The following STAU1 variants were observed in gnomAD, a reference collection of about 807,000 sequenced individuals.
STAU1 encodes the protein double-stranded RNA-binding protein Staufen homolog 1.
A neutral mutation model predicts 62.9 loss-of-function variants in STAU1; 13 were observed. The observed-to-expected ratio is 0.21, with a 90% CI of 0.13 to 0.33. STAU1 has a LOEUF of 0.33. Ranked by LOEUF, STAU1 falls within the 10% of genes least tolerant of loss-of-function variation. STAU1 has a pLI of 1.00. For missense variants in STAU1, 571 were observed against 712.1 expected (o/e 0.80, Z 2.25); for synonymous variants, 269 against 265.1 (o/e 1.01, Z -0.14).
chr20:49,123,293 A>G (rs770323410), intron 7 of STAU1, 58 bp from the exon 8 acceptor site: 127 of 1,612,490 alleles, frequency 7.9e-5, no homozygotes, highest in Non-Finnish European at 9.5e-5. Flanking sequence ...AACTTGGTCA[A>G]CTCAGAGATC....
chr20:49,120,259 T>G (rs1378073696), intron 8 of STAU1, 131 bp from the exon 9 acceptor site: 2 of 1,015,156 alleles, frequency 2.0e-6, no homozygotes, highest in African/African-American at 1.6e-5. Context: ...GAACCTGGCC[T>G]CCTTGTCTCT....
intron 5 of STAU1, among the ~76,000 whole-genome samples, chr20:49,141,978 C>T (rs1171478235): frequency 1.3e-5 from 2 of 152,076 alleles, no homozygotes; most frequent in Non-Finnish European, 1.5e-5. Flanking sequence ...AATTCCAGCA[C>T]TTTGGGAGGT....
intron 6 of STAU1, among the ~76,000 whole-genome samples, chr20:49,125,115 G>C (rs1455987016): frequency 7.8e-6 from 1 of 127,970 alleles, no homozygotes; most frequent in Admixed American, 8.6e-5. Flanking sequence ...ATATGGTATG[G>C]TAGCTTTAGT....
At chr20:49,114,940 GAATT>G in intron 13 of STAU1, 47 bp from the exon 14 acceptor site, 1 of 1,585,546 alleles carries the variant, frequency 6.3e-7, no homozygotes, top group South Asian at 1.1e-5. Flanking sequence ...AAATGTAAGA[GAATT>G]AAAGTACTGT....
In STAU1 at chr20:49,166,064, A is replaced by C. The variant is rs778945157; in HGVS notation, c.138T>G (p.Asn46Lys). The part of the protein sequence containing the change: ...PSTTSSLPSE[N>K]AGRPIQNSAL... Reference sequence around the variant, plus strand: ...CAGAGTTTTGAATGGGTCTACCTGCATTTTCAGAGGGCAGAGAGCTAGTAG... The same window carrying C: ...CAGAGTTTTGAATGGGTCTACCTGCCTTTTCAGAGGGCAGAGAGCTAGTAG... Residue 46 changes from asparagine to lysine, a missense_variant, in exon 3 of 14, where the codon AAT becomes AAG. Physicochemically the swap from Asn to Lys is moderately conservative, Grantham distance 94 (BLOSUM62 0). This residue lies in a region of STAU1 where 414 missense variants were observed against 499.6 expected (regional missense o/e 0.83). Coordinates refer to ENST00000371856, the MANE Select transcript of STAU1 (RefSeq NM_017453.4). 3 of 1,614,212 alleles carry C rather than the reference A, an allele frequency of 1.9e-6. No homozygotes were observed. Among genetic ancestry groups the C allele is most frequent in the Non-Finnish European group, 2.5e-6 (3 of 1,180,044 alleles).
intron 3 of STAU1, among the ~76,000 whole-genome samples, chr20:49,163,418 CCTT>C (rs1388098907): frequency 1.7e-5 from 2 of 119,536 alleles, no homozygotes; most frequent in Admixed American, 9.3e-5. Context: ...AGTGTTTAAA[CCTT>C]TTTTTTTTTT....
chr20:49,206,594 C>T, the STAU1 span, among the ~76,000 whole-genome samples: 19 of 145,124 alleles, frequency 1.3e-4, no homozygotes, highest in Non-Finnish European at 2.3e-4. Context: ...ACTGTAGCCT[C>T]GACCTCCTGG....
intron 3 of STAU1, among the ~76,000 whole-genome samples, chr20:49,156,704 T>C (rs971019895): frequency 6.6e-6 from 1 of 152,174 alleles, no homozygotes; most frequent in Non-Finnish European, 1.5e-5. Flanking sequence ...CTCAAATTCA[T>C]GAAACCTGAC....
intron 8 of STAU1, 42 bp downstream of exon 8, chr20:49,123,050 C>T (rs371897708): frequency 1.2e-5 from 18 of 1,532,200 alleles, no homozygotes; most frequent in African/African-American, 2.8e-5. Context: ...CAAGGCTGGA[C>T]GTGGTCAGAG....
rs189943896 is a variant in STAU1 at position 49,182,356 on chromosome 20, G to A, written c.-160+5760C>T. Among the ~76,000 whole-genome samples, 81 of 152,278 alleles carry A rather than the reference G, an allele frequency of 5.3e-4. 1 individual carries two copies. The highest frequency in any genetic ancestry group is 1.0e-3 in the Non-Finnish European group (68 of 68,034). On this transcript the variant is annotated intron_variant, in intron 1 of 13. Transcript: ENST00000371856. ...AAAATATTACTTTTCTCTGCAGTAA[G>A]GTTTTCTAGTTCAGAGCATTAAGCT...
At chr20:49,130,622 A>G (rs1224707265) in intron 6 of STAU1, among the ~76,000 whole-genome samples, 1 of 152,214 alleles carries the variant, frequency 6.6e-6, no homozygotes, top group East Asian at 1.9e-4. Flanking sequence ...CTATACCGAT[A>G]TAATTACTAT....
At chr20:49,218,452 C>T in the STAU1 span, among the ~76,000 whole-genome samples, 1 of 151,624 alleles carries the variant, frequency 6.6e-6, no homozygotes. Context: ...GTCTCGATCT[C>T]CTGACCTCGT....
At chr20:49,175,270 G>A (rs1334087082) in intron 1 of STAU1, among the ~76,000 whole-genome samples, 1 of 151,974 alleles carries the variant, frequency 6.6e-6, no homozygotes, top group African/African-American at 2.4e-5. Flanking sequence ...GGCAGAGGTT[G>A]CAGTGAGCCA....
chr20:49,218,134 C>G, the STAU1 span, among the ~76,000 whole-genome samples: 1 of 151,962 alleles, frequency 6.6e-6, no homozygotes, highest in African/African-American at 2.4e-5. Flanking sequence ...CTCGGCCTCC[C>G]AAAGTGCTGG....
chr20:49,117,347 T>C lies in STAU1; in HGVS notation c.1510-99A>G. The C allele has an allele frequency of 2.0e-6, 3 of 1,467,854 alleles. No individual in the cohort carries two copies. The highest frequency in any genetic ancestry group is 2.8e-6 in the Non-Finnish European group (3 of 1,073,630). 90.9% of individuals were successfully genotyped at this position (1,467,854 alleles called of 1,614,324 possible). A position where few individuals can be genotyped will look rare whatever the true frequency, so the allele number is the denominator to read the frequency against. On this transcript the variant is annotated intron_variant, in intron 11 of 13. Coordinates refer to ENST00000371856, the MANE Select transcript of STAU1 (RefSeq NM_017453.4). The surrounding 1 kb of genome is among the most constrained non-coding windows in gnomAD (Gnocchi z 4.6). ...GCCCCACAAGCAAGATCACCAGCTCTTTTTTCCAACTCAGCCCCACTGTGG... is the reference window on the plus strand; with the variant it reads ...GCCCCACAAGCAAGATCACCAGCTCCTTTTTCCAACTCAGCCCCACTGTGG...
At chr20:49,140,420 C>T (rs2092983667) in intron 5 of STAU1, among the ~76,000 whole-genome samples, 1 of 152,092 alleles carries the variant, frequency 6.6e-6, no homozygotes. Flanking sequence ...TGTCCATCAA[C>T]AGATGACTGG....
rs755589657 is a variant in STAU1 at position 49,114,520 on chromosome 20, C to T, written c.*358G>A. 3 of 253,028 alleles carry T rather than the reference C, an allele frequency of 1.2e-5. No individual in the cohort carries two copies. The highest frequency in any genetic ancestry group is 2.3e-5 in the Non-Finnish European group (3 of 130,828). 15.7% of individuals were successfully genotyped at this position (253,028 alleles called of 1,614,324 possible). A position where few individuals can be genotyped will look rare whatever the true frequency, so the allele number is the denominator to read the frequency against. ...TGAGCCAGCTTGAGAAGGGGTCGTG[C>T]CGTTTCTTCTTTCACACAGGGGAAA... On this transcript the variant is annotated 3_prime_UTR_variant, in exon 14 of 14. Coordinates refer to ENST00000371856, the MANE Select transcript of STAU1 (RefSeq NM_017453.4).
At chr20:49,216,166 G>A in the STAU1 span, among the ~76,000 whole-genome samples, 1 of 151,678 alleles carries the variant, frequency 6.6e-6, no homozygotes, top group African/African-American at 2.4e-5. Context: ...GAGGCTGGAG[G>A]ATCACTTGAG....
chr20:49,124,244 G>C, intron 7 of STAU1, 131 bp downstream of exon 7: 1 of 886,756 alleles, frequency 1.1e-6, no homozygotes, highest in East Asian at 2.4e-5. Flanking sequence ...CACCTCTAAG[G>C]GGTCTGGCAG....
Sources: gnomAD v4.1 joint callset for allele counts (sites outside exome capture counted in the v4.1 genomes callset) on GRCh38, gnomAD v4.1.1 for gene constraint, gnomAD v4.1.1 regional missense constraint, Gnocchi (gnomAD v3.1) non-coding constraint, MANE v1.5 for transcripts, NCBI Gene and HGNC (gene_info 2026-07-23, HGNC 2026-07-21) for gene names.